Variants in ZEB1 observed in about 807,000 individuals in gnomAD.
The protein encoded by ZEB1 is zinc finger E-box binding homeobox 1.
A neutral mutation model predicts 84.9 loss-of-function variants in ZEB1; 21 were observed. That is an observed-to-expected ratio of 0.25 (90% CI 0.18 to 0.36). The LOEUF is 0.36. Among genes scored for constraint, ZEB1 ranks in the 10% least tolerant of loss-of-function variants. The pLI, the probability that ZEB1 is intolerant of heterozygous loss-of-function variation, is 1.00. For synonymous variants in ZEB1, 420 were observed against 471.1 expected (o/e 0.89, Z 1.41); for missense variants, 1,104 against 1,330.2 (o/e 0.83, Z 2.65).
chr10:31,392,080 TA>T (rs1159391430), intron 1 of ZEB1, among the ~76,000 whole-genome samples: 2 of 152,190 alleles, frequency 1.3e-5, no homozygotes, highest in Non-Finnish European at 2.9e-5. Context: ...TAACTTCAAC[TA>T]ATTAAACTTG....
intron 1 of ZEB1, chr10:31,319,602 A>AGGGC (rs1309297100): frequency 2.7e-6 from 1 of 374,076 alleles, no homozygotes; most frequent in Admixed American, 4.8e-5. Flanking sequence ...TCCCCGGCGC[A>AGGGC]GGGCGGGCGG....
In ZEB1 at chr10:31,502,524, A is replaced by G. The variant is rs1030825033; in HGVS notation, c.484+15A>G. Reference sequence around the variant, plus strand: ...TGATGAAAATGGTAAATGGATCTTAACAGTTGTGTTTCTTTCCCTCTTTAA... The same window carrying G: ...TGATGAAAATGGTAAATGGATCTTAGCAGTTGTGTTTCTTTCCCTCTTTAA... On this transcript the variant is annotated intron_variant, in intron 4 of 8. Transcript: ENST00000424869. The G allele has an allele frequency of 9.9e-6, 16 of 1,613,692 alleles. No homozygotes were observed. The highest frequency in any genetic ancestry group is 1.4e-5 in the Non-Finnish European group (16 of 1,179,622).
Position 31,458,336 on chromosome 10 carries a change from T to TG in ZEB1, c.59-2701_59-2700insG, listed in dbSNP as rs1554882634. Among the ~76,000 whole-genome samples, 580 of 102,254 alleles carry TG rather than the reference T, an allele frequency of 5.7e-3. 7 individuals carry two copies. The highest frequency in any genetic ancestry group is 0.045 in the African/African-American group (533 of 11,950). 67.1% of individuals were successfully genotyped at this position (102,254 alleles called of 152,430 possible). ...CCGTGTGTGTGTGTGTGTGTGTGTGTTGTGTGTGTGTGTGTGTGTGTGTGT... is the reference window on the plus strand; with the variant it reads ...CCGTGTGTGTGTGTGTGTGTGTGTGTGTGTGTGTGTGTGTGTGTGTGTGTGT... On this transcript the variant is annotated intron_variant, in intron 1 of 8. Coordinates refer to ENST00000424869, the MANE Select transcript of ZEB1 (RefSeq NM_001174096.2).
chr10:31,335,303 T>G (rs915049055), intron 1 of ZEB1, among the ~76,000 whole-genome samples: 1 of 151,992 alleles, frequency 6.6e-6, no homozygotes, highest in Non-Finnish European at 1.5e-5. Flanking sequence ...GGTCATCAGA[T>G]AATAAAAAAA....
chr10:31,394,240 G>A (rs924358485), intron 1 of ZEB1, among the ~76,000 whole-genome samples: 1 of 152,092 alleles, frequency 6.6e-6, no homozygotes, highest in Non-Finnish European at 1.5e-5. Context: ...AAAGGAAGAA[G>A]AACAAAACAC....
chr10:31,342,339 C>G (rs2039534597), intron 1 of ZEB1, among the ~76,000 whole-genome samples: 1 of 152,020 alleles, frequency 6.6e-6, no homozygotes, highest in African/African-American at 2.4e-5. Flanking sequence ...GATTAGGGAG[C>G]TGATGGAAAA....
chr10:31,362,446 G>A (rs149141743), intron 1 of ZEB1, among the ~76,000 whole-genome samples: 3,052 of 150,708 alleles, frequency 0.02, 88 homozygotes, highest in African/African-American at 0.071. Flanking sequence ...CAGACGGGAC[G>A]GTGGCTGGGC....
intron 2 of ZEB1, among the ~76,000 whole-genome samples, chr10:31,464,240 C>G (rs1416685814): frequency 6.6e-6 from 1 of 152,018 alleles, no homozygotes; most frequent in Non-Finnish European, 1.5e-5. Flanking sequence ...GTAGTCCCAG[C>G]TACTCGGGAG....
intron 1 of ZEB1, among the ~76,000 whole-genome samples, chr10:31,347,125 C>G (rs1014595063): frequency 6.6e-6 from 1 of 151,996 alleles, no homozygotes; most frequent in Non-Finnish European, 1.5e-5. Context: ...TAACTACCTT[C>G]AAGTGATTAT....
intron 1 of ZEB1, among the ~76,000 whole-genome samples, chr10:31,390,568 A>G (rs763729951): frequency 1.4e-4 from 22 of 152,168 alleles, no homozygotes; most frequent in Admixed American, 2.0e-4. Flanking sequence ...CAACGCTGCT[A>G]TCATTTCTCT....
chr10:31,400,513 TA>T (rs1048641139), intron 1 of ZEB1, among the ~76,000 whole-genome samples: 15 of 151,372 alleles, frequency 9.9e-5, no homozygotes, highest in South Asian at 4.2e-4. Flanking sequence ...TGTGGAATAC[TA>T]AAAAAAAATA....
intron 1 of ZEB1, among the ~76,000 whole-genome samples, chr10:31,414,497 CAT>C: frequency 6.6e-6 from 1 of 152,238 alleles, no homozygotes; most frequent in South Asian, 2.1e-4. Flanking sequence ...CCTATAAAAA[CAT>C]AAATACTTTA....
chr10:31,385,533 CT>C (rs1431044567), intron 1 of ZEB1, among the ~76,000 whole-genome samples: 36 of 142,246 alleles, frequency 2.5e-4, no homozygotes, highest in Admixed American at 3.5e-4. Context: ...TTTTTCTTTT[CT>C]TTTTTTTTTT....
intron 1 of ZEB1, among the ~76,000 whole-genome samples, chr10:31,354,296 A>G (rs922023776): frequency 1.4e-4 from 22 of 152,316 alleles, no homozygotes; most frequent in Admixed American, 1.2e-3. Context: ...TACTTAGCAC[A>G]AAGTGGGCAC....
chr10:31,324,131 TGTA>T (rs1473505862), intron 1 of ZEB1, among the ~76,000 whole-genome samples: 1 of 152,034 alleles, frequency 6.6e-6, no homozygotes, highest in Admixed American at 6.6e-5. Context: ...CGAGATACAT[TGTA>T]GCATGGAGCA....
intron 2 of ZEB1, among the ~76,000 whole-genome samples, chr10:31,468,897 CCACATTAGCT>C (rs1277633461): frequency 6.6e-6 from 1 of 152,122 alleles, no homozygotes; most frequent in Non-Finnish European, 1.5e-5. Context: ...CCCTAAAGGA[CCACATTAGCT>C]CTCTAGCAAT....
rs187072828 is a variant in ZEB1, at chr10:31,526,576, C to A, written c.2786-96C>A. On this transcript the variant is annotated intron_variant, in intron 8 of 8. Coordinates refer to ENST00000424869, the MANE Select transcript of ZEB1 (RefSeq NM_001174096.2). ...ATGTTTTAAAAATGAAACTAATAAC[C>A]CTCCCCTTTCTACAACATGAAGTAC... 93 of 1,424,136 alleles carry A rather than the reference C, an allele frequency of 6.5e-5. No individual in the cohort carries two copies. The African/African-American group carries it at 1.0e-3, about 16-fold the overall frequency. The allele number at this position is 1,424,136 out of a possible 1,614,324, so 88.2% of individuals were successfully genotyped here.
intron 2 of ZEB1, among the ~76,000 whole-genome samples, chr10:31,462,237 A>C (rs75782663): frequency 6.6e-6 from 1 of 152,192 alleles, no homozygotes; most frequent in Admixed American, 6.5e-5. Flanking sequence ...GATTTCTACA[A>C]TATGACAAAT....
intron 1 of ZEB1, chr10:31,363,218 A>G (rs1314110725): frequency 2.6e-6 from 4 of 1,533,990 alleles, no homozygotes; most frequent in Non-Finnish European, 3.5e-6. Context: ...AGCACCTTCA[A>G]GGCCGCCTTC....
Sources: gnomAD v4.1 joint callset for allele counts (sites outside exome capture counted in the v4.1 genomes callset) on GRCh38, gnomAD v4.1.1 for gene constraint, MANE v1.5 for transcripts, NCBI Gene and HGNC (gene_info 2026-07-23, HGNC 2026-07-21) for gene names.